AGAP1: variants seen among roughly 807,000 people sequenced by gnomAD.
AGAP1 encodes arf-GAP with GTPase, ANK repeat and PH domain-containing protein 1.
A neutral mutation model predicts 105.3 loss-of-function variants in AGAP1; 29 were observed. The ratio of observed to expected loss-of-function variants is 0.28; its 90% CI spans 0.21 to 0.38. The LOEUF (loss-of-function observed/expected upper bound fraction) is 0.38, where lower values mean the gene tolerates loss of function less well. Among genes scored for constraint, AGAP1 ranks in the 10% least tolerant of loss-of-function variants. The pLI, the probability that AGAP1 is intolerant of heterozygous loss-of-function variation, is 1.00. For synonymous variants in AGAP1, 509 were observed against 485.9 expected, an observed-to-expected ratio of 1.05 and a Z score of -0.63; for missense variants, 998 against 1,165.1, an observed-to-expected ratio of 0.86 and a Z score of 2.09.
chr2:235,900,205 C>G lies in AGAP1; in HGVS notation c.1156-8533C>G, dbSNP rs921495897. Among the ~76,000 whole-genome samples the G allele has an allele frequency of 6.6e-6, 1 of 152,170 alleles. No homozygotes were observed. Among genetic ancestry groups the G allele is most frequent in the Admixed American group, 6.5e-5 (1 of 15,274 alleles). ...AGACCCAATAAAGCATTTACTAAGT[C>G]AAGAATATTCCACACATACTCTTCC... is the stretch of plus-strand genomic sequence containing the variant. On this transcript the variant is annotated intron_variant, in intron 10 of 17. Transcript: ENST00000304032. This position sits in a 1 kb window ranked among gnomAD's most constrained non-coding sequence, Gnocchi z 5.5.
Position 235,889,283 on chromosome 2 carries a change from T to A in AGAP1, c.1155+5834T>A, listed in dbSNP as rs560248746. 1.5e-3 allele frequency among the ~76,000 whole-genome samples: 234 copies of A among 152,252 alleles called. No homozygotes were observed. Among genetic ancestry groups the A allele is most frequent in the African/African-American group, 5.5e-3 (228 of 41,552 alleles). On this transcript the variant is annotated intron_variant, in intron 10 of 17. Coordinates refer to ENST00000304032, the MANE Select transcript of AGAP1 (RefSeq NM_001037131.3). This position sits in a 1 kb window ranked among gnomAD's most constrained non-coding sequence, Gnocchi z 4.6. The stretch of plus-strand genomic sequence containing the variant: ...AGAACAAAGCAGCCAGTCATGAAAC[T>A]GGGGAAACCTGACATTGCAGGACAC...
At chr2:235,686,953 GGGCTT>G (rs1345476453) in intron 1 of AGAP1, among the ~76,000 whole-genome samples, 5 of 151,548 alleles carry the variant, frequency 3.3e-5, no homozygotes, top group African/African-American at 1.2e-4. Flanking sequence ...CTGAGCCACT[GGGCTT>G]GGCTTAGGAA....
chr2:236,084,957 G>A (rs1240603051), intron 16 of AGAP1, among the ~76,000 whole-genome samples: 5 of 151,892 alleles, frequency 3.3e-5, no homozygotes, highest in Admixed American at 6.6e-5. Flanking sequence ...GCTCACGCCT[G>A]TAATCCCAGC....
intron 1 of AGAP1, among the ~76,000 whole-genome samples, chr2:235,647,730 T>C (rs1264089439): frequency 6.6e-6 from 1 of 152,102 alleles, no homozygotes; most frequent in African/African-American, 2.4e-5. Context: ...ATCCTAGTGT[T>C]GACAATATAG....
intron 1 of AGAP1, among the ~76,000 whole-genome samples, chr2:235,514,160 GCGCA>G (rs1163605992): frequency 1.7e-4 from 11 of 66,090 alleles, no homozygotes; most frequent in Non-Finnish European, 2.9e-4. Flanking sequence ...GCGTGCGCGC[GCGCA>G]CACACACACA....
At chr2:235,595,821 T>C (rs1177178781) in intron 1 of AGAP1, among the ~76,000 whole-genome samples, 1 of 152,198 alleles carries the variant, frequency 6.6e-6, no homozygotes, top group Non-Finnish European at 1.5e-5. Context: ...TCCGTTGTCT[T>C]TGAAAATTAA....
Position 235,769,031 on chromosome 2 carries a change from G to T in AGAP1, c.673+18543G>T, listed in dbSNP as rs1444854971. Among the ~76,000 whole-genome samples the T allele has an allele frequency of 6.6e-6, 1 of 152,222 alleles. No homozygotes were observed. The highest frequency in any genetic ancestry group is 1.5e-5 in the Non-Finnish European group (1 of 68,040). On this transcript the variant is annotated intron_variant, in intron 6 of 17. Transcript: ENST00000304032. This position sits in a 1 kb window ranked among gnomAD's most constrained non-coding sequence, Gnocchi z 4.4. Reference sequence around the variant, plus strand: ...CTGTACTAAAGATCCCAGTACTCGAGTAATTCACCATAAATGAGTGAAAAT... The same window carrying T: ...CTGTACTAAAGATCCCAGTACTCGATTAATTCACCATAAATGAGTGAAAAT...
intron 16 of AGAP1, among the ~76,000 whole-genome samples, chr2:236,085,328 G>A (rs1373136515): frequency 6.6e-6 from 1 of 152,066 alleles, no homozygotes; most frequent in Non-Finnish European, 1.5e-5. Context: ...ATTCTTTCTG[G>A]AGCACTAGGG....
chr2:235,576,459 C>T (rs1157000262), intron 1 of AGAP1, among the ~76,000 whole-genome samples: 1 of 152,184 alleles, frequency 6.6e-6, no homozygotes, highest in East Asian at 1.9e-4. Flanking sequence ...TTCTGGTCAC[C>T]AGGCAGGTGG....
intron 10 of AGAP1, among the ~76,000 whole-genome samples, chr2:235,895,413 C>A (rs2050754979): frequency 6.6e-6 from 1 of 152,204 alleles, no homozygotes; most frequent in African/African-American, 2.4e-5. Context: ...CTCATACTTG[C>A]CATGTTATCT....
chr2:235,995,484 A>G (rs187640306), intron 13 of AGAP1, among the ~76,000 whole-genome samples: 3 of 152,212 alleles, frequency 2.0e-5, no homozygotes, highest in Non-Finnish European at 4.4e-5. Flanking sequence ...ACTGCACTTA[A>G]GCCTTGGTGA....
chr2:235,744,974 G>A lies in AGAP1; in HGVS notation c.538+135G>A, dbSNP rs1401068029. The A allele has an allele frequency of 2.9e-6, 3 of 1,051,182 alleles. No individual in the cohort carries two copies. Among genetic ancestry groups the A allele is most frequent in the Non-Finnish European group, 4.0e-6 (3 of 746,024 alleles). 65.1% of individuals were successfully genotyped at this position (1,051,182 alleles called of 1,614,324 possible). ...CGCTCACTTTTTTGGGAAAAATTAT[G>A]GAACTGAAATGATCACATTTCCTGA... On this transcript the variant is annotated intron_variant, in intron 5 of 17. Transcript: ENST00000304032. This position sits in a 1 kb window ranked among gnomAD's most constrained non-coding sequence, Gnocchi z 5.2.
Position 235,535,212 on chromosome 2 carries a change from G to A in AGAP1, c.163+40363G>A, listed in dbSNP as rs535645234. ...AGGTTGCCTCCCATCGTTTGCAGGA[G>A]CGGAAGACCCGATGGAGCAGGTTTC... On this transcript the variant is annotated intron_variant, in intron 1 of 17. Coordinates refer to ENST00000304032, the MANE Select transcript of AGAP1 (RefSeq NM_001037131.3). This position sits in a 1 kb window ranked among gnomAD's most constrained non-coding sequence, Gnocchi z 5.1. 2.0e-4 allele frequency among the ~76,000 whole-genome samples: 31 copies of A among 152,186 alleles called. No homozygotes were observed. Among genetic ancestry groups the A allele is most frequent in the Admixed American group, 1.8e-3 (28 of 15,294 alleles).
intron 6 of AGAP1, among the ~76,000 whole-genome samples, chr2:235,779,017 A>G (rs950851429): frequency 1.3e-5 from 2 of 152,240 alleles, no homozygotes; most frequent in Admixed American, 6.5e-5. Context: ...AAACTGAGCC[A>G]CAAAAGGGCC....
In AGAP1 at chr2:236,058,151, T is replaced by A. The variant is rs932439014; in HGVS notation, c.2114+8870T>A. On this transcript the variant is annotated intron_variant, in intron 16 of 17. Transcript: ENST00000304032. This position sits in a 1 kb window ranked among gnomAD's most constrained non-coding sequence, Gnocchi z 4.6. ...ACTCTCTAGGTAATTCTTATGCACA[T>A]TAAAGTTTGAGACACTCTGGTCTGC... 1.3e-5 allele frequency among the ~76,000 whole-genome samples: 2 copies of A among 152,184 alleles called. No individual in the cohort carries two copies. Among genetic ancestry groups the A allele is most frequent in the African/African-American group, 2.4e-5 (1 of 41,448 alleles).
chr2:235,909,094 G>C (rs1027687080), intron 11 of AGAP1, among the ~76,000 whole-genome samples, 188 bp downstream of exon 11: 1 of 152,182 alleles, frequency 6.6e-6, no homozygotes, highest in African/African-American at 2.4e-5. Context: ...AAATGCCAGC[G>C]AGCAAATGGT....
intron 13 of AGAP1, among the ~76,000 whole-genome samples, chr2:235,991,475 T>C (rs1183118876): frequency 6.6e-6 from 1 of 152,216 alleles, no homozygotes; most frequent in Non-Finnish European, 1.5e-5. Context: ...CTCGGGAGAC[T>C]GAGGTGGGAA....
rs909197883 is a variant in AGAP1, at chr2:235,867,601, C to T, written c.1051-15744C>T. On this transcript the variant is annotated intron_variant, in intron 9 of 17. Transcript: ENST00000304032. This position sits in a 1 kb window ranked among gnomAD's most constrained non-coding sequence, Gnocchi z 5.4. The stretch of plus-strand genomic sequence containing the variant: ...CAAGTGAGGGAGGGTGACCCCCACA[C>T]CAAGCACACAGGGCCATGGATTTTC... 2.7e-5 allele frequency among the ~76,000 whole-genome samples: 4 copies of T among 146,862 alleles called. No individual in the cohort carries two copies. The highest frequency in any genetic ancestry group is 1.0e-4 in the African/African-American group (4 of 39,564).
At position 235,936,565 on chromosome 2, in the gene AGAP1, C is replaced by G. The variant is rs956191596; in HGVS notation, c.1483+5642C>G. On this transcript the variant is annotated intron_variant, in intron 12 of 17. Coordinates refer to ENST00000304032, the MANE Select transcript of AGAP1 (RefSeq NM_001037131.3). The surrounding 1 kb of genome is among the most constrained non-coding windows in gnomAD (Gnocchi z 4.7). ...AGCCAATGCATTTGAACCACACTTT[C>G]CAGCAAGCATGTCCACACCATTCAT... 2.0e-5 allele frequency among the ~76,000 whole-genome samples: 3 copies of G among 152,222 alleles called. No homozygotes were observed. The highest frequency in any genetic ancestry group is 4.8e-5 in the African/African-American group (2 of 41,450).
Sources: allele counts gnomAD v4.1 joint callset (sites outside exome capture counted in the v4.1 genomes callset), GRCh38; gene constraint gnomAD v4.1.1; non-coding constraint Gnocchi (gnomAD v3.1); transcripts MANE v1.5; gene names NCBI Gene and HGNC (gene_info 2026-07-23, HGNC 2026-07-21).